DIP2C: variants seen among roughly 807,000 people sequenced by gnomAD.
DIP2C encodes DIP2 acetate--CoA ligase C (putative).
In DIP2C, 33 loss-of-function variants were observed where a neutral mutation model predicts 192.4. That is an observed-to-expected ratio of 0.17 (90% confidence interval 0.13 to 0.23). The LOEUF is 0.23. Among genes scored for constraint, DIP2C ranks in the 10% least tolerant of loss-of-function variants. The pLI is 1.00. For synonymous variants in DIP2C, 979 were observed against 864.1 expected (o/e 1.13, Z -2.33); for missense variants, 1,537 against 2,110.1 (o/e 0.73, Z 5.32).
chr10:369,796 T>C (rs1324086294), intron 17 of DIP2C, 163 bp from the exon 18 acceptor site: 1 of 1,363,338 alleles, frequency 7.3e-7, no homozygotes. Flanking sequence ...GGGATGCTCG[T>C]TCTGTTTATG....
chr10:653,307 G>A (rs1393086193), intron 1 of DIP2C, among the ~76,000 whole-genome samples: 2 of 152,066 alleles, frequency 1.3e-5, no homozygotes, highest in Non-Finnish European at 2.9e-5. Flanking sequence ...AATTAGCTGG[G>A]CATGGTGGCG....
At chr10:682,279 C>T (rs61567237) in intron 1 of DIP2C, among the ~76,000 whole-genome samples, 2 of 152,134 alleles carry the variant, frequency 1.3e-5, no homozygotes, top group Non-Finnish European at 2.9e-5. Context: ...ACCAGTGAAC[C>T]CCAGGGGAGC....
chr10:551,786 C>T (rs943674873), intron 1 of DIP2C, among the ~76,000 whole-genome samples: 4 of 152,234 alleles, frequency 2.6e-5, no homozygotes, highest in African/African-American at 4.8e-5. Flanking sequence ...CAACTCCAGG[C>T]TCCTCAGAGC....
chr10:579,107 G>A (rs906787587), intron 1 of DIP2C, among the ~76,000 whole-genome samples: 21 of 151,980 alleles, frequency 1.4e-4, no homozygotes, highest in African/African-American at 4.4e-4. Context: ...TCCATGTAGT[G>A]TAGGTACATA....
At chr10:516,200 G>A (rs1284595130) in intron 1 of DIP2C, among the ~76,000 whole-genome samples, 1 of 144,538 alleles carries the variant, frequency 6.9e-6, no homozygotes, top group Non-Finnish European at 1.5e-5. Context: ...GGGCAGGAAA[G>A]ATGGAGCTGA....
chr10:580,437 C>T (rs73588155), intron 1 of DIP2C, among the ~76,000 whole-genome samples: 5,822 of 152,142 alleles, frequency 0.038, 163 homozygotes, highest in East Asian at 0.15. Context: ...ACATATATGG[C>T]GTTAAATACA....
chr10:498,636 T>G (rs780242337), intron 1 of DIP2C, among the ~76,000 whole-genome samples: 60 of 152,298 alleles, frequency 3.9e-4, no homozygotes, highest in Non-Finnish European at 3.1e-4. Context: ...TGCCCATTCC[T>G]TCCCAGAGAA....
chr10:672,315 C>T (rs1211924728), intron 1 of DIP2C, among the ~76,000 whole-genome samples: 1 of 152,182 alleles, frequency 6.6e-6, no homozygotes, highest in Non-Finnish European at 1.5e-5. Flanking sequence ...GGAGAAAACG[C>T]CACAGACCCA....
intron 13 of DIP2C, among the ~76,000 whole-genome samples, chr10:389,610 G>A (rs113271747): frequency 0.012 from 1,851 of 152,248 alleles, 39 homozygotes; most frequent in African/African-American, 0.042. Context: ...CCCAGGCCCC[G>A]GCGTGGCTGT....
intron 1 of DIP2C, among the ~76,000 whole-genome samples, chr10:558,287 C>T (rs1849016597): frequency 6.6e-6 from 1 of 152,212 alleles, no homozygotes; most frequent in Non-Finnish European, 1.5e-5. Flanking sequence ...TGAGGCCACA[C>T]AGCTGTCTCC....
At chr10:293,267 C>T (rs565950767) in intron 32 of DIP2C, among the ~76,000 whole-genome samples, 2 of 152,328 alleles carry the variant, frequency 1.3e-5, no homozygotes, top group East Asian at 1.9e-4. Flanking sequence ...CAGATGCAGA[C>T]GGAGCTGGTG....
intron 31 of DIP2C, among the ~76,000 whole-genome samples, chr10:311,734 A>T (rs1589447577): frequency 6.6e-6 from 1 of 152,238 alleles, no homozygotes; most frequent in East Asian, 1.9e-4. Context: ...AATGAAAAGA[A>T]GATCAAAAAC....
intron 6 of DIP2C, 89 bp from the exon 7 acceptor site, chr10:415,977 A>G (rs1965606651): frequency 1.3e-6 from 2 of 1,553,112 alleles, no homozygotes; most frequent in African/African-American, 1.4e-5. Context: ...CCCCCTCCCC[A>G]GCGCGGCTAC....
chr10:455,335 GAATAAATGAGATGAAAACACTGC>G, intron 3 of DIP2C, among the ~76,000 whole-genome samples: 2 of 142,640 alleles, frequency 1.4e-5, no homozygotes, highest in African/African-American at 2.6e-5. Flanking sequence ...AGACCGTGAG[GAATAAATGAGATGAAAACACTGC>G]AGTGAGTCCC....
intron 1 of DIP2C, among the ~76,000 whole-genome samples, chr10:622,605 C>T (rs901838248): frequency 6.6e-6 from 1 of 152,130 alleles, no homozygotes; most frequent in Non-Finnish European, 1.5e-5. Flanking sequence ...CCTAAAGCAC[C>T]ATGCCTTGCC....
chr10:286,458 A>G, intron 33 of DIP2C, 111 bp from the exon 34 acceptor site: 2 of 998,764 alleles, frequency 2.0e-6, no homozygotes, highest in South Asian at 2.8e-5. Flanking sequence ...ACTGTTTAGA[A>G]AGCAATTAAA....
At chr10:641,169 G>A (rs569473686) in intron 1 of DIP2C, among the ~76,000 whole-genome samples, 2 of 152,080 alleles carry the variant, frequency 1.3e-5, no homozygotes, top group East Asian at 3.9e-4. Flanking sequence ...CCTCACCTTG[G>A]AAGATCTCAA....
intron 2 of DIP2C, among the ~76,000 whole-genome samples, chr10:477,905 G>A (rs1457858419): frequency 4.4e-5 from 5 of 114,332 alleles, no homozygotes; most frequent in Middle Eastern, 4.7e-3. Context: ...GAAAAGAGAG[G>A]GAAAGAAAAG....
rs754260755 is a variant in DIP2C, at chr10:689,190, G to T, written c.85+304C>A. Among the ~76,000 whole-genome samples, 38 of 151,314 alleles carry T rather than the reference G, an allele frequency of 2.5e-4. No individual in the cohort carries two copies. Among genetic ancestry groups the T allele is most frequent in the Non-Finnish European group, 1.5e-4 (10 of 67,742 alleles). On this transcript the variant is annotated intron_variant, in intron 1 of 36. Coordinates refer to ENST00000280886, the MANE Select transcript of DIP2C (RefSeq NM_014974.3). The surrounding 1 kb of genome is among the most constrained non-coding windows in gnomAD (Gnocchi z 6.1). ...CGCGGCCCCACAAACATCCCAGGGC[G>T]CGGGGGATCGCGGCCCCACAAACAC... is the stretch of plus-strand genomic sequence containing the variant.
Sources: allele counts gnomAD v4.1 joint callset (sites outside exome capture counted in the v4.1 genomes callset), GRCh38; gene constraint gnomAD v4.1.1; non-coding constraint Gnocchi (gnomAD v3.1); transcripts MANE v1.5; gene names NCBI Gene and HGNC (gene_info 2026-07-23, HGNC 2026-07-21).